PDLIM5: variants seen among roughly 807,000 people sequenced by gnomAD.
The protein encoded by PDLIM5 is PDZ and LIM domain 5, also known as PDZ and LIM domain protein 5.
A neutral mutation model predicts 64.2 loss-of-function variants in PDLIM5; 34 were observed. The observed-to-expected ratio is 0.53, with a 90% CI of 0.40 to 0.71. The LOEUF is 0.71. PDLIM5 is among the 30% of genes least tolerant of loss of function. The pLI is 0.00. For synonymous variants in PDLIM5, 253 were observed against 269.1 expected, an observed-to-expected ratio of 0.94 and a Z score of 0.59; for missense variants, 683 against 733.6, an observed-to-expected ratio of 0.93 and a Z score of 0.80.
chr4:94,534,612 G>C (rs1731160528), intron 3 of PDLIM5, among the ~76,000 whole-genome samples: 1 of 152,142 alleles, frequency 6.6e-6, no homozygotes, highest in Non-Finnish European at 1.5e-5. Flanking sequence ...AGAAACCTGG[G>C]CTAGGCTTTG....
chr4:94,455,068 G>A (rs1185665673), intron 1 of PDLIM5, among the ~76,000 whole-genome samples, 179 bp from the exon 2 acceptor site: 1 of 152,200 alleles, frequency 6.6e-6, no homozygotes, highest in African/African-American at 2.4e-5. Context: ...AAATTGCCAT[G>A]AGTGTAGAAA....
chr4:94,529,305 G>T (rs1029550672), intron 3 of PDLIM5, among the ~76,000 whole-genome samples: 1 of 152,086 alleles, frequency 6.6e-6, no homozygotes, highest in Non-Finnish European at 1.5e-5. Context: ...AGAAACACTG[G>T]ATGAGGACCA....
At chr4:94,563,564 C>T (rs1734024059) in intron 3 of PDLIM5, among the ~76,000 whole-genome samples, 1 of 152,158 alleles carries the variant, frequency 6.6e-6, no homozygotes, top group Admixed American at 6.5e-5. Flanking sequence ...TGCTGGAATA[C>T]TTATCCCCTT....
chr4:94,589,828 G>A (rs1020728366), intron 7 of PDLIM5, among the ~76,000 whole-genome samples: 6 of 151,424 alleles, frequency 4.0e-5, no homozygotes, highest in Admixed American at 3.9e-4. Flanking sequence ...AGGCTGGAGT[G>A]CGATGGTGCG....
intron 8 of PDLIM5, among the ~76,000 whole-genome samples, chr4:94,624,944 A>T (rs551505592): frequency 3.9e-5 from 6 of 152,384 alleles, no homozygotes; most frequent in African/African-American, 1.4e-4. Flanking sequence ...TGTTTAAAAG[A>T]TCATCATGAC....
chr4:94,579,639 G>A (rs959801435), intron 5 of PDLIM5: 7 of 505,402 alleles, frequency 1.4e-5, no homozygotes, highest in Non-Finnish European at 2.1e-5. Context: ...TTGCAAAAGA[G>A]CTGTAATTTA....
chr4:94,578,676 A>AT (rs1424552784), intron 5 of PDLIM5, among the ~76,000 whole-genome samples: 2 of 152,072 alleles, frequency 1.3e-5, no homozygotes, highest in African/African-American at 2.4e-5. Context: ...TAATGGATGC[A>AT]TTTTTTGCAT....
At chr4:94,618,926 C>T (rs1276538628) in intron 8 of PDLIM5, among the ~76,000 whole-genome samples, 2 of 152,184 alleles carry the variant, frequency 1.3e-5, no homozygotes, top group Non-Finnish European at 2.9e-5. Context: ...ACTCAGCCTT[C>T]ATCTCTTCTC....
At chr4:94,595,442 T>C (rs1736996027) in intron 7 of PDLIM5, among the ~76,000 whole-genome samples, 1 of 152,214 alleles carries the variant, frequency 6.6e-6, no homozygotes, top group East Asian at 1.9e-4. Flanking sequence ...TAGGCTATCT[T>C]CTAGCACCAA....
At chr4:94,635,850 GA>G (rs1428481520) in intron 8 of PDLIM5, among the ~76,000 whole-genome samples, 1 of 152,224 alleles carries the variant, frequency 6.6e-6, no homozygotes, top group African/African-American at 2.4e-5. Flanking sequence ...GTTCATACGG[GA>G]AATAGCTGTG....
intron 11 of PDLIM5, among the ~76,000 whole-genome samples, chr4:94,662,109 G>A (rs1020468232): frequency 3.9e-5 from 6 of 152,078 alleles, no homozygotes; most frequent in African/African-American, 1.4e-4. Flanking sequence ...ATGAGCAACC[G>A]CGCCCGGCCA....
rs1180503854 is a variant in PDLIM5, at chr4:94,585,734, C to T, written c.880C>T (p.His294Tyr). The T allele has an allele frequency of 6.2e-7, 1 of 1,612,000 alleles. No individual in the cohort carries two copies. Among genetic ancestry groups the T allele is most frequent in the African/African-American group, 1.3e-5 (1 of 74,844 alleles). The change falls in exon 6 of 13, where the codon CAT (histidine) becomes TAT (tyrosine). Residue 294 changes from histidine (H) to tyrosine (Y), a missense_variant. Physicochemically the swap from His to Tyr is moderately conservative, Grantham distance 83 (BLOSUM62 2). Coordinates refer to ENST00000317968, the MANE Select transcript of PDLIM5 (RefSeq NM_006457.5). ...RILAQITGTE[H>Y]LKESEADNTK... Reference sequence around the variant, plus strand: ...CCTTGCCCAGATCACTGGGACTGAACATTGTAAGTGAACTTCTAGGTATCC... The same window carrying T: ...CCTTGCCCAGATCACTGGGACTGAATATTGTAAGTGAACTTCTAGGTATCC...
intron 10 of PDLIM5, 128 bp downstream of exon 10, chr4:94,654,768 TTTA>T: frequency 1.6e-6 from 1 of 626,470 alleles, no homozygotes; most frequent in South Asian, 2.3e-5. Context: ...TTCGGCACTA[TTTA>T]TTATTGTAAA....
intron 3 of PDLIM5, among the ~76,000 whole-genome samples, chr4:94,525,856 A>G (rs938657380): frequency 6.6e-6 from 1 of 152,210 alleles, no homozygotes; most frequent in Admixed American, 6.5e-5. Context: ...GAAAGTAGTC[A>G]ATAAGAAAAG....
At chr4:94,658,898 G>A (rs1742428047) in intron 11 of PDLIM5, among the ~76,000 whole-genome samples, 1 of 152,092 alleles carries the variant, frequency 6.6e-6, no homozygotes, top group African/African-American at 2.4e-5. Context: ...GGTTTTGTTT[G>A]TTTGTTTGTT....
intron 2 of PDLIM5, among the ~76,000 whole-genome samples, chr4:94,512,735 G>A (rs1048050463): frequency 6.6e-6 from 1 of 151,886 alleles, no homozygotes; most frequent in Non-Finnish European, 1.5e-5. Context: ...TTTTAAAGTT[G>A]ATGTGTCCCA....
chr4:94,600,915 C>T (rs1304612293), intron 7 of PDLIM5, among the ~76,000 whole-genome samples: 1 of 152,062 alleles, frequency 6.6e-6, no homozygotes, highest in Non-Finnish European at 1.5e-5. Flanking sequence ...AAAGAATACT[C>T]TAGATAACTA....
intron 5 of PDLIM5, chr4:94,582,533 T>G: frequency 1.9e-6 from 1 of 535,058 alleles, no homozygotes; most frequent in East Asian, 3.0e-5. Flanking sequence ...TGTGTTTACA[T>G]AATTATTTTG....
chr4:94,521,616 A>AT (rs1239526024), intron 2 of PDLIM5, among the ~76,000 whole-genome samples: 1 of 151,146 alleles, frequency 6.6e-6, no homozygotes, highest in Non-Finnish European at 1.5e-5. Flanking sequence ...CAAGAGATCT[A>AT]GTATGTAAAG....
Sources: allele counts gnomAD v4.1 joint callset (sites outside exome capture counted in the v4.1 genomes callset), GRCh38; gene constraint gnomAD v4.1.1; transcripts MANE v1.5; gene names NCBI Gene and HGNC (gene_info 2026-07-23, HGNC 2026-07-21).